Variants in EEIG2 observed in about 807,000 individuals in gnomAD.
The protein encoded by EEIG2 is family with sequence similarity 102 member B.
the EEIG2 span, among the ~76,000 whole-genome samples, chr1:108,629,283 A>G: frequency 1.1e-4 from 16 of 152,246 alleles, no homozygotes; most frequent in Non-Finnish European, 5.9e-5. Context: ...AGCACTTAAC[A>G]GTGGACTTAT....
At chr1:108,597,878 G>A in the EEIG2 span, among the ~76,000 whole-genome samples, 4 of 152,160 alleles carry the variant, frequency 2.6e-5, no homozygotes, top group Non-Finnish European at 5.9e-5. Flanking sequence ...TCATATATCA[G>A]TGGTCTCAGT....
the EEIG2 span, among the ~76,000 whole-genome samples, chr1:108,568,770 A>G: frequency 6.6e-6 from 1 of 152,118 alleles, no homozygotes; most frequent in Non-Finnish European, 1.5e-5. Context: ...ATCCACAGGG[A>G]CTGACTTGGC....
At chr1:108,631,149 G>GT in the EEIG2 span, 2 of 396,194 alleles carry the variant, frequency 5.0e-6, no homozygotes, top group Non-Finnish European at 1.0e-5. Context: ...ATTAAATTCA[G>GT]TAACTGTTTC....
chr1:108,630,220 G>C, the EEIG2 span, among the ~76,000 whole-genome samples: 1 of 152,184 alleles, frequency 6.6e-6, no homozygotes, highest in Admixed American at 6.5e-5. Flanking sequence ...CAGTTACACA[G>C]CCACTGAGCA....
the EEIG2 span, chr1:108,625,680 C>G: frequency 6.6e-6 from 1 of 152,176 alleles, no homozygotes; most frequent in Non-Finnish European, 1.5e-5. Context: ...ATCTACTGCA[C>G]TCCCTTAGAC....
the EEIG2 span, among the ~76,000 whole-genome samples, chr1:108,632,111 C>CAA: frequency 3.1e-5 from 2 of 65,390 alleles, no homozygotes; most frequent in Non-Finnish European, 2.5e-5. Flanking sequence ...GAGACTGTCT[C>CAA]AAAAAAAAAA....
the EEIG2 span, among the ~76,000 whole-genome samples, chr1:108,574,390 A>G: frequency 6.6e-6 from 1 of 152,178 alleles, no homozygotes; most frequent in Non-Finnish European, 1.5e-5. Flanking sequence ...TAATGGATAT[A>G]GAGTTTTGGT....
the EEIG2 span, chr1:108,636,841 A>T: frequency 6.6e-6 from 1 of 152,194 alleles, no homozygotes; most frequent in Non-Finnish European, 1.5e-5. Flanking sequence ...AAAATCAAAG[A>T]AAGTTTTTTA....
chr1:108,622,100 T>C, the EEIG2 span, among the ~76,000 whole-genome samples: 7 of 152,140 alleles, frequency 4.6e-5, no homozygotes, highest in Non-Finnish European at 4.4e-5. Context: ...GAGGCTGCAG[T>C]GAGCCGAGAG....
At chr1:108,610,713 G>A in the EEIG2 span, among the ~76,000 whole-genome samples, 4 of 152,074 alleles carry the variant, frequency 2.6e-5, no homozygotes, top group African/African-American at 2.4e-5. Flanking sequence ...GGCGGATCAC[G>A]AGGTCAGGAG....
the EEIG2 span, among the ~76,000 whole-genome samples, chr1:108,599,190 C>A: frequency 1.3e-5 from 2 of 151,696 alleles, no homozygotes; most frequent in Admixed American, 6.6e-5. Context: ...AAAAAAAAAA[C>A]AACTGATAGA....
At chr1:108,560,791 ATCCTC>A in the EEIG2 span, among the ~76,000 whole-genome samples, 1 of 151,862 alleles carries the variant, frequency 6.6e-6, no homozygotes, top group Non-Finnish European at 1.5e-5. Context: ...TCCCTCCCAA[ATCCTC>A]TAGGAATGGG....
the EEIG2 span, among the ~76,000 whole-genome samples, chr1:108,604,945 G>A: frequency 6.6e-6 from 1 of 151,926 alleles, no homozygotes; most frequent in Non-Finnish European, 1.5e-5. Context: ...TCAGAAGGCT[G>A]AGTGGGAGGA....
At chr1:108,634,078 T>G in the EEIG2 span, among the ~76,000 whole-genome samples, 1 of 152,198 alleles carries the variant, frequency 6.6e-6, no homozygotes, top group African/African-American at 2.4e-5. Flanking sequence ...ATTTCACTTA[T>G]TCTATCCGGT....
the EEIG2 span, among the ~76,000 whole-genome samples, chr1:108,622,621 G>A: frequency 6.6e-6 from 1 of 152,128 alleles, no homozygotes; most frequent in South Asian, 2.1e-4. Context: ...GAGTTTAGTT[G>A]GGGAGATATT....
At chr1:108,579,772 T>TGAGAGAGAGAGAGAGAGAGA in the EEIG2 span, among the ~76,000 whole-genome samples, 3,134 of 58,780 alleles carry the variant, frequency 0.053, 219 homozygotes, top group Middle Eastern at 0.078. Context: ...TGTGTGTGTG[T>TGAGAGAGAGAGAGAGAGAGA]GAGAGAGAGA....
At chr1:108,587,879 A>G in the EEIG2 span, among the ~76,000 whole-genome samples, 1 of 152,156 alleles carries the variant, frequency 6.6e-6, no homozygotes. Flanking sequence ...GATGCTATGT[A>G]GAATTTGCAT....
chr1:108,616,399 A>G, the EEIG2 span: 2 of 1,602,658 alleles, frequency 1.2e-6, no homozygotes, highest in Admixed American at 3.4e-5. Flanking sequence ...TCAGTATGCA[A>G]CTGATGTCTG....
At chr1:108,582,341 A>G in the EEIG2 span, among the ~76,000 whole-genome samples, 8 of 152,034 alleles carry the variant, frequency 5.3e-5, no homozygotes, top group Non-Finnish European at 1.2e-4. Context: ...TGAACTATTT[A>G]TATTATTCTT....
Sources: allele counts gnomAD v4.1 joint callset (sites outside exome capture counted in the v4.1 genomes callset), GRCh38; gene constraint gnomAD v4.1.1; transcripts MANE v1.5; gene names NCBI Gene and HGNC (gene_info 2026-07-23, HGNC 2026-07-21).